NFATC2: variants seen among roughly 807,000 people sequenced by gnomAD.
NFATC2 encodes the protein nuclear factor of activated T cells 2.
In NFATC2, 22 loss-of-function variants were observed where a neutral mutation model predicts 87.3. The observed-to-expected ratio is 0.25, with a 90% CI of 0.18 to 0.36. The LOEUF (loss-of-function observed/expected upper bound fraction) is 0.36, where lower values mean the gene tolerates loss of function less well. Among genes scored for constraint, NFATC2 ranks in the 10% least tolerant of loss-of-function variants. NFATC2 has a pLI of 1.00. For missense variants in NFATC2, 1,149 were observed against 1,259.1 expected (o/e 0.91, Z 1.32); for synonymous variants, 565 against 542.2 (o/e 1.04, Z -0.58).
At chr20:51,471,573 A>G (rs1988202341) in intron 5 of NFATC2, among the ~76,000 whole-genome samples, 1 of 152,206 alleles carries the variant, frequency 6.6e-6, no homozygotes, top group Non-Finnish European at 1.5e-5. Context: ...CTTGACTCAA[A>G]AGGCTGAAAG....
At position 51,432,934 on chromosome 20, in the gene NFATC2, T is replaced by C. The variant is rs1261839522; in HGVS notation, c.2033-178A>G. Among the ~76,000 whole-genome samples the C allele has an allele frequency of 1.3e-5, 2 of 152,104 alleles. No homozygotes were observed. Among genetic ancestry groups the C allele is most frequent in the African/African-American group, 2.4e-5 (1 of 41,406 alleles). On this transcript the variant is annotated intron_variant, in intron 8 of 10. Coordinates refer to ENST00000371564, the MANE Select transcript of NFATC2 (RefSeq NM_012340.5). This position sits in a 1 kb window ranked among gnomAD's most constrained non-coding sequence, Gnocchi z 4.6. The stretch of plus-strand genomic sequence containing the variant: ...AGGCTCCCCATGCAATTGTCTTAGG[T>C]AGGAAATTTTACCCTGGCCATGAAC...
At chr20:51,401,429 A>G (rs1368031130) in intron 9 of NFATC2, among the ~76,000 whole-genome samples, 1 of 152,226 alleles carries the variant, frequency 6.6e-6, no homozygotes, top group Non-Finnish European at 1.5e-5. Context: ...TGGAAGAGAA[A>G]GAGACAAAGA....
chr20:51,401,229 G>A (rs879626196), intron 9 of NFATC2, among the ~76,000 whole-genome samples: 2 of 152,062 alleles, frequency 1.3e-5, no homozygotes, highest in African/African-American at 4.8e-5. Context: ...AATTAGCTGG[G>A]TGTGACGGCA....
rs549262558 is a variant in NFATC2, at chr20:51,523,649, G to A, written c.592C>T (p.Pro198Ser). Residue 198 changes from proline to serine, a missense_variant, in exon 2 of 11, where the codon CCC becomes TCC. Around this residue, in one of 3 missense-constraint regions of NFATC2, gnomAD observed 563 missense variants for 585.2 expected, o/e 0.96. Transcript: ENST00000371564. This position sits in a 1 kb window ranked among gnomAD's most constrained non-coding sequence, Gnocchi z 6.9. ...TGAAACTGCGGACACAGGTCGTCGGGCCCGCCGTTATTGGGCGAGACGCAG... is the reference window on the plus strand; with the variant it reads ...TGAAACTGCGGACACAGGTCGTCGGACCCGCCGTTATTGGGCGAGACGCAG... Reference protein sequence around the residue: ...SPCVSPNNGGPDDLCPQFQNI... With the variant: ...SPCVSPNNGGSDDLCPQFQNI... The A allele has an allele frequency of 2.8e-4, 459 of 1,612,766 alleles. 6 individuals carry two copies. The South Asian group carries it at 4.8e-3, about 17-fold the overall frequency.
At chr20:51,527,777 G>A (rs2076568482) in intron 1 of NFATC2, among the ~76,000 whole-genome samples, 1 of 152,086 alleles carries the variant, frequency 6.6e-6, no homozygotes, top group Non-Finnish European at 1.5e-5. Context: ...AACCACATGT[G>A]CCCTCGGAAC....
At chr20:51,505,158 C>T (rs912380946) in intron 3 of NFATC2, among the ~76,000 whole-genome samples, 21 of 151,556 alleles carry the variant, frequency 1.4e-4, no homozygotes, top group African/African-American at 3.9e-4. Context: ...GGACTACATG[C>T]GCCCGCCACC....
chr20:51,562,654 G>C (rs747079025), upstream of NFATC2: 84 of 1,547,986 alleles, frequency 5.4e-5, no homozygotes, highest in Non-Finnish European at 7.1e-5. This position sits in a 1 kb window ranked among gnomAD's most constrained non-coding sequence, Gnocchi z 5.8. Context: ...GACTTGGCGC[G>C]TGTTTGGAAA....
chr20:51,480,906 T>C lies in NFATC2; in HGVS notation c.1333-5246A>G, dbSNP rs1489979384. ...TGAATGGAAGGGTGAAGAATGAATG[T>C]GAACAAAGTGAGAACCAACGTGAAG... is the stretch of plus-strand genomic sequence containing the variant. On this transcript the variant is annotated intron_variant, in intron 3 of 10. Transcript: ENST00000371564. This position sits in a 1 kb window ranked among gnomAD's most constrained non-coding sequence, Gnocchi z 4.2. Among the ~76,000 whole-genome samples the C allele has an allele frequency of 6.6e-6, 1 of 152,010 alleles. No homozygotes were observed. Among genetic ancestry groups the C allele is most frequent in the Non-Finnish European group, 1.5e-5 (1 of 67,986 alleles).
chr20:51,537,812 T>C (rs569249087), intron 1 of NFATC2, among the ~76,000 whole-genome samples: 1 of 152,364 alleles, frequency 6.6e-6, no homozygotes, highest in Non-Finnish European at 1.5e-5. Flanking sequence ...TCTGTCACTG[T>C]GTACTTGGTT....
Position 51,436,393 on chromosome 20 carries a change from AT to A in NFATC2, c.1850-633del, listed in dbSNP as rs11481937. Among the ~76,000 whole-genome samples, 632 of 142,496 alleles carry A rather than the reference AT, an allele frequency of 4.4e-3. 5 individuals are homozygous for A. The highest frequency in any genetic ancestry group is 0.014 in the African/African-American group (531 of 38,666). The allele number at this position is 142,496 out of a possible 152,430, so 93.5% of individuals were successfully genotyped here. On this transcript the variant is annotated intron_variant, in intron 6 of 10. Coordinates refer to ENST00000371564, the MANE Select transcript of NFATC2 (RefSeq NM_012340.5). ...CCTGTATCTGAATGTCTATCTTTCT[AT>A]TTTTTTTTTTTTTTTAAAAAGGCAT... is the stretch of plus-strand genomic sequence containing the variant.
upstream of NFATC2, among the ~76,000 whole-genome samples, chr20:51,547,558 A>G (rs113270480): frequency 7.7e-4 from 117 of 152,016 alleles, no homozygotes; most frequent in Middle Eastern, 3.4e-3. Flanking sequence ...TTTATCTACA[A>G]CCTGGGCCTC....
At position 51,475,251 on chromosome 20, in the gene NFATC2, G is replaced by A. The variant is rs531227345; in HGVS notation, c.1535+207C>T. Among the ~76,000 whole-genome samples, 317 of 152,178 alleles carry A rather than the reference G, an allele frequency of 2.1e-3. 1 individual carries two copies. The highest frequency in any genetic ancestry group is 7.3e-3 in the African/African-American group (305 of 41,526). ...TCCAAAGCGCTAGGATTACAGGCGC[G>A]AGCCACCACGCCCGGCCTACATATT... On this transcript the variant is annotated intron_variant, in intron 4 of 10. Transcript: ENST00000371564.
At chr20:51,561,305 C>T (rs1461674601) in intron 1 of NFATC2, among the ~76,000 whole-genome samples, 1 of 122,338 alleles carries the variant, frequency 8.2e-6, no homozygotes, top group African/African-American at 3.2e-5. Flanking sequence ...TAACCCAAGG[C>T]ATTTGGCTTC....
At chr20:51,459,439 C>G (rs1478762562) in intron 5 of NFATC2, among the ~76,000 whole-genome samples, 3 of 152,086 alleles carry the variant, frequency 2.0e-5, no homozygotes, top group Non-Finnish European at 4.4e-5. Flanking sequence ...GTTTCTTTTT[C>G]TGGTGATAAA....
intron 1 of NFATC2, among the ~76,000 whole-genome samples, chr20:51,531,001 A>G (rs778519600): frequency 2.6e-5 from 4 of 152,250 alleles, no homozygotes; most frequent in African/African-American, 4.8e-5. Context: ...CAGCTAAAAT[A>G]TATTGAGAAC....
chr20:51,398,539 T>C (rs1987571867), intron 10 of NFATC2, 104 bp downstream of exon 10: 1 of 717,684 alleles, frequency 1.4e-6, no homozygotes. Context: ...AGAGAGGGCC[T>C]TCAGCCTGTC....
At chr20:51,496,418 A>G (rs1010337693) in intron 3 of NFATC2, among the ~76,000 whole-genome samples, 1 of 151,576 alleles carries the variant, frequency 6.6e-6, no homozygotes, top group Non-Finnish European at 1.5e-5. Flanking sequence ...CTTCCTTTAC[A>G]TCCTGCAACC....
intron 3 of NFATC2, among the ~76,000 whole-genome samples, chr20:51,492,053 A>G (rs553396876): frequency 4.0e-5 from 6 of 151,758 alleles, no homozygotes; most frequent in Non-Finnish European, 8.8e-5. Flanking sequence ...GGCTCCCCTT[A>G]GATCTGGAGA....
In NFATC2 at chr20:51,473,940, C is replaced by T. The variant is rs369958175; in HGVS notation, c.1708+40G>A. 34 of 1,602,000 alleles carry T rather than the reference C, an allele frequency of 2.1e-5. 1 individual carries two copies. Among genetic ancestry groups the T allele is most frequent in the South Asian group, 1.7e-4 (15 of 89,978 alleles). On this transcript the variant is annotated intron_variant, in intron 5 of 10. Coordinates refer to ENST00000371564, the MANE Select transcript of NFATC2 (RefSeq NM_012340.5). ...TCCCGGGGGAAGCCCACGTGCCCTA[C>T]GCTTTCTGAAGAAAGACCGGGCCCC... is the stretch of plus-strand genomic sequence containing the variant.
Sources: gnomAD v4.1 joint callset for allele counts (sites outside exome capture counted in the v4.1 genomes callset) on GRCh38, gnomAD v4.1.1 for gene constraint, gnomAD v4.1.1 regional missense constraint, Gnocchi (gnomAD v3.1) non-coding constraint, MANE v1.5 for transcripts, NCBI Gene and HGNC (gene_info 2026-07-23, HGNC 2026-07-21) for gene names.